Variants in WNK2 observed in about 807,000 individuals in gnomAD.
WNK2 encodes WNK lysine deficient protein kinase 2.
In WNK2, 67 loss-of-function variants were observed where a neutral mutation model predicts 192.1. The observed-to-expected ratio is 0.35, with a 90% confidence interval of 0.29 to 0.43. The LOEUF (loss-of-function observed/expected upper bound fraction) is 0.43, where lower values mean the gene tolerates loss of function less well. WNK2 is among the 20% of genes least tolerant of loss of function. WNK2 has a pLI of 1.00. For missense variants in WNK2, 2,698 were observed against 3,089.7 expected, an observed-to-expected ratio of 0.87 and a Z score of 3.01; for synonymous variants, 1,439 against 1,393.9, an observed-to-expected ratio of 1.03 and a Z score of -0.72.
At chr9:93,210,215 G>A (rs1834253615) in intron 2 of WNK2, among the ~76,000 whole-genome samples, 1 of 151,898 alleles carries the variant, frequency 6.6e-6, no homozygotes, top group Admixed American at 6.6e-5. Flanking sequence ...GATGTGGGCT[G>A]TGGTGCTCCT....
At chr9:93,201,601 G>T (rs1445400726) in intron 2 of WNK2, among the ~76,000 whole-genome samples, 1 of 152,320 alleles carries the variant, frequency 6.6e-6, no homozygotes, top group African/African-American at 2.4e-5. Context: ...GTGTCTGAGG[G>T]CTATGGACAG....
At chr9:93,217,278 A>G (rs1176039596) in intron 2 of WNK2, among the ~76,000 whole-genome samples, 1 of 152,238 alleles carries the variant, frequency 6.6e-6, no homozygotes, top group Non-Finnish European at 1.5e-5. Context: ...TTAAGAAGAT[A>G]CTACGCCGCT....
At chr9:93,308,982 C>CGTGA (rs1272854649) in intron 28 of WNK2, 2 of 1,033,618 alleles carry the variant, frequency 1.9e-6, no homozygotes, top group African/African-American at 3.4e-5. Context: ...GTGCATGTCA[C>CGTGA]CCAAGTGACA....
intron 19 of WNK2, among the ~76,000 whole-genome samples, chr9:93,285,916 G>C (rs1052185419): frequency 8.5e-5 from 13 of 152,186 alleles, no homozygotes; most frequent in Non-Finnish European, 1.9e-4. Context: ...AGGTCCGATT[G>C]TCAAACAGTG....
Position 93,189,654 on chromosome 9 carries a change from C to T in WNK2, c.681+4044C>T, listed in dbSNP as rs10761198. Among the ~76,000 whole-genome samples the T allele has an allele frequency of 4.6e-5, 7 of 151,772 alleles. No individual in the cohort carries two copies. In the South Asian group the frequency reaches 1.5e-3, roughly 32 times the overall value. Reference sequence around the variant, plus strand: ...CCACCATCCTCCAAGGACAGCCCAGCCACCCGACAGCCTCTCTCCCAGCCG... The same window carrying T: ...CCACCATCCTCCAAGGACAGCCCAGTCACCCGACAGCCTCTCTCCCAGCCG... On this transcript the variant is annotated intron_variant, in intron 2 of 29. Coordinates refer to ENST00000427277, the MANE Select transcript of WNK2 (RefSeq NM_006648.4).
intron 21 of WNK2, among the ~76,000 whole-genome samples, 194 bp from the exon 22 acceptor site, chr9:93,292,114 T>C (rs559648430): frequency 2.9e-4 from 44 of 152,304 alleles, no homozygotes; most frequent in African/African-American, 8.7e-4. Context: ...TGGAGTATTT[T>C]TAGTTTCCAA....
intron 9 of WNK2, 87 bp from the exon 10 acceptor site, chr9:93,256,212 G>A: frequency 1.5e-6 from 2 of 1,375,334 alleles, no homozygotes; most frequent in Admixed American, 3.0e-5. Flanking sequence ...CAGGCACAGG[G>A]ATGACATGAG....
intron 15 of WNK2, 48 bp downstream of exon 15, chr9:93,263,782 TGGGGGTGTGGTGGGGGTGGGGCCGTGGC>T (rs1564122535): frequency 1.5e-4 from 25 of 164,848 alleles, no homozygotes; most frequent in East Asian, 7.3e-4. Flanking sequence ...GGGGGCATGG[TGGGGGTGTGGTGGGGGTGGGGCCGTGGC>T]GGGGGTGTGG....
intron 5 of WNK2, among the ~76,000 whole-genome samples, chr9:93,235,983 C>T (rs1839755743): frequency 6.6e-6 from 1 of 152,172 alleles, no homozygotes; most frequent in Non-Finnish European, 1.5e-5. Context: ...CCTGTGTGCC[C>T]CTGAGGAAGT....
At chr9:93,280,259 A>G (rs1847527297) in intron 19 of WNK2, among the ~76,000 whole-genome samples, 1 of 152,204 alleles carries the variant, frequency 6.6e-6, no homozygotes, top group African/African-American at 2.4e-5. Context: ...AGATATGTGG[A>G]TGCCAAAGGG....
intron 2 of WNK2, among the ~76,000 whole-genome samples, chr9:93,193,082 G>A (rs999888685): frequency 2.4e-4 from 37 of 152,194 alleles, no homozygotes; most frequent in African/African-American, 8.4e-4. Flanking sequence ...CTTGTGGTCC[G>A]TCCTGGCTGT....
chr9:93,247,515 G>A lies in WNK2; in HGVS notation c.1543-28G>A, dbSNP rs1342545069. 21 of 1,600,762 alleles carry A rather than the reference G, an allele frequency of 1.3e-5. No homozygotes were observed. The highest frequency in any genetic ancestry group is 1.7e-5 in the Non-Finnish European group (20 of 1,173,930). Reference sequence around the variant, plus strand: ...GGGCCGGTGAGGGCTGATCCCCAGCGATGCTGACAACATGACTGCCTTTAC... The same window carrying A: ...GGGCCGGTGAGGGCTGATCCCCAGCAATGCTGACAACATGACTGCCTTTAC... On this transcript the variant is annotated intron_variant, in intron 7 of 29. Transcript: ENST00000427277. The surrounding 1 kb of genome is among the most constrained non-coding windows in gnomAD (Gnocchi z 5.2).
At chr9:93,304,852 TTGTC>T (rs1852221315) in intron 26 of WNK2, among the ~76,000 whole-genome samples, 1 of 152,180 alleles carries the variant, frequency 6.6e-6, no homozygotes, top group Non-Finnish European at 1.5e-5. Context: ...ACCCATCAGT[TTGTC>T]TGGAGGTCTA....
At chr9:93,197,982 G>A (rs1239081114) in intron 2 of WNK2, among the ~76,000 whole-genome samples, 2 of 152,156 alleles carry the variant, frequency 1.3e-5, no homozygotes, top group Non-Finnish European at 2.9e-5. Flanking sequence ...GGGCACCACT[G>A]TATACTCTAG....
Position 93,190,520 on chromosome 9 carries a change from G to A in WNK2, c.681+4910G>A, listed in dbSNP as rs534409622. 7.2e-5 allele frequency among the ~76,000 whole-genome samples: 11 copies of A among 152,366 alleles called. No homozygotes were observed. The South Asian group carries it at 2.1e-3, about 29-fold the overall frequency. ...ACTGGCTCAGATGTGTGGAGGGCCAGCCCCCACATGCCATTTGCCATTGCA... is the reference window on the plus strand; with the variant it reads ...ACTGGCTCAGATGTGTGGAGGGCCAACCCCCACATGCCATTTGCCATTGCA... On this transcript the variant is annotated intron_variant, in intron 2 of 29. Coordinates refer to ENST00000427277, the MANE Select transcript of WNK2 (RefSeq NM_006648.4).
At chr9:93,295,882 A>T (rs1850232434) in intron 23 of WNK2, among the ~76,000 whole-genome samples, 10 of 84,192 alleles carry the variant, frequency 1.2e-4, no homozygotes, top group Middle Eastern at 8.9e-3. Context: ...TCCCCTCTCC[A>T]TCCTCAACTC....
At position 93,320,455 on chromosome 9, in the gene WNK2, C is replaced by T. The variant is rs1008081808; in HGVS notation, c.*63C>T. On this transcript the variant is annotated 3_prime_UTR_variant, in exon 30 of 30. Coordinates refer to ENST00000427277, the MANE Select transcript of WNK2 (RefSeq NM_006648.4). ...GTGGAGAAGTGACGGACCCTCAGGG[C>T]CAGCTGCTCCTCCTGTCCAGTTCAC... is the stretch of plus-strand genomic sequence containing the variant. The T allele has an allele frequency of 7.4e-7, 1 of 1,358,690 alleles. No individual in the cohort carries two copies. Among genetic ancestry groups the T allele is most frequent in the African/African-American group, 1.5e-5 (1 of 67,610 alleles). 84.2% of individuals were successfully genotyped at this position (1,358,690 alleles called of 1,614,324 possible). A position where few individuals can be genotyped will look rare whatever the true frequency, so the allele number is the denominator to read the frequency against.
intron 19 of WNK2, among the ~76,000 whole-genome samples, chr9:93,284,793 G>C (rs547371793): frequency 6.6e-6 from 1 of 152,304 alleles, no homozygotes; most frequent in East Asian, 1.9e-4. Flanking sequence ...TATGTATAAG[G>C]AAGTGTCATG....
chr9:93,299,292 G>T lies in WNK2; in HGVS notation c.6115+31G>T, dbSNP rs780823102. The T allele has an allele frequency of 5.8e-6, 9 of 1,542,504 alleles. No homozygotes were observed. The Admixed American group carries it at 1.6e-4, about 28-fold the overall frequency. Reference sequence around the variant, plus strand: ...TTCCAGCTTGCCTGTCTCCGAGCATGTGCTAGCCACGTAGGGCCTCAGTGG... The same window carrying T: ...TTCCAGCTTGCCTGTCTCCGAGCATTTGCTAGCCACGTAGGGCCTCAGTGG... On this transcript the variant is annotated intron_variant, in intron 25 of 29. Coordinates refer to ENST00000427277, the MANE Select transcript of WNK2 (RefSeq NM_006648.4).
Sources: allele counts gnomAD v4.1 joint callset (sites outside exome capture counted in the v4.1 genomes callset), GRCh38; gene constraint gnomAD v4.1.1; non-coding constraint Gnocchi (gnomAD v3.1); transcripts MANE v1.5; gene names NCBI Gene and HGNC (gene_info 2026-07-23, HGNC 2026-07-21).